KCNQ3: variants seen among roughly 807,000 people sequenced by gnomAD.
KCNQ3 encodes the protein potassium voltage-gated channel subfamily KQT member 3.
KCNQ3 carries 30 observed loss-of-function variants against 92.5 expected under a neutral mutation model. The observed-to-expected ratio is 0.32, with a 90% CI of 0.24 to 0.44. KCNQ3 has a LOEUF of 0.44. Among genes scored for constraint, KCNQ3 ranks in the 20% least tolerant of loss-of-function variants. The pLI, the probability that KCNQ3 is intolerant of heterozygous loss-of-function variation, is 1.00. For synonymous variants in KCNQ3, 450 were observed against 468.8 expected (o/e 0.96, Z 0.52); for missense variants, 913 against 1,140.3 (o/e 0.80, Z 2.87).
intron 1 of KCNQ3, among the ~76,000 whole-genome samples, chr8:132,458,885 C>T (rs919053459): frequency 1.3e-5 from 2 of 152,194 alleles, no homozygotes; most frequent in African/African-American, 4.8e-5. Context: ...TAAATCAATC[C>T]TAATGCATTT....
rs1412485924 is a variant in KCNQ3 at position 132,169,184 on chromosome 8, T to G, written c.1235+1150A>C. Among the ~76,000 whole-genome samples the G allele has an allele frequency of 3.3e-5, 5 of 152,158 alleles. No homozygotes were observed. The East Asian group carries it at 9.7e-4, about 29-fold the overall frequency. On this transcript the variant is annotated intron_variant, in intron 8 of 14. Coordinates refer to ENST00000388996, the MANE Select transcript of KCNQ3 (RefSeq NM_004519.4). The stretch of plus-strand genomic sequence containing the variant: ...TCAGCCTGGCTCCAGGTGTGGACTC[T>G]GGGCCACTGGCTCAGCCCCACCCCA...
chr8:132,354,064 A>G (rs11990490), intron 1 of KCNQ3, among the ~76,000 whole-genome samples: 4,461 of 152,312 alleles, frequency 0.029, 236 homozygotes, highest in African/African-American at 0.1. Context: ...TTGACCAAAC[A>G]GGAGCTTGAA....
chr8:132,345,795 G>A (rs1490416393), intron 1 of KCNQ3, among the ~76,000 whole-genome samples: 2 of 152,080 alleles, frequency 1.3e-5, no homozygotes, highest in African/African-American at 4.8e-5. Context: ...GAAGACTACA[G>A]CTACATTAAC....
At chr8:132,229,733 C>T (rs574861106) in intron 1 of KCNQ3, among the ~76,000 whole-genome samples, 1 of 151,992 alleles carries the variant, frequency 6.6e-6, no homozygotes, top group South Asian at 2.1e-4. Flanking sequence ...GTGGGACACC[C>T]CAGGGCCTTC....
At chr8:132,341,410 C>T (rs1237123513) in intron 1 of KCNQ3, among the ~76,000 whole-genome samples, 1 of 152,174 alleles carries the variant, frequency 6.6e-6, no homozygotes, top group African/African-American at 2.4e-5. Context: ...GCCTTCTCCT[C>T]TTCACTTCTG....
At chr8:132,454,126 C>G (rs1821887746) in intron 1 of KCNQ3, among the ~76,000 whole-genome samples, 1 of 152,162 alleles carries the variant, frequency 6.6e-6, no homozygotes, top group African/African-American at 2.4e-5. Flanking sequence ...CATGGCAGAC[C>G]CTGCCAAGGC....
intron 1 of KCNQ3, among the ~76,000 whole-genome samples, chr8:132,236,867 C>A (rs1446806506): frequency 6.6e-6 from 1 of 152,202 alleles, no homozygotes; most frequent in Non-Finnish European, 1.5e-5. Flanking sequence ...TGAAGGGGAC[C>A]ATGGGTCAGG....
At chr8:132,239,098 G>A (rs1586854860) in intron 1 of KCNQ3, among the ~76,000 whole-genome samples, 2 of 152,074 alleles carry the variant, frequency 1.3e-5, no homozygotes, top group African/African-American at 4.8e-5. Flanking sequence ...AAATTCCTGG[G>A]CCCCTTAATT....
At chr8:132,160,574 T>C (rs1825953722) in intron 9 of KCNQ3, among the ~76,000 whole-genome samples, 1 of 152,178 alleles carries the variant, frequency 6.6e-6, no homozygotes, top group Admixed American at 6.5e-5. Context: ...TATATTTATG[T>C]CATATATAAA....
intron 1 of KCNQ3, among the ~76,000 whole-genome samples, chr8:132,322,829 A>G (rs368402239): frequency 3.3e-5 from 5 of 152,342 alleles, no homozygotes; most frequent in African/African-American, 1.2e-4. Context: ...CAATCAAGTC[A>G]TGAAGGCCTT....
intron 1 of KCNQ3, among the ~76,000 whole-genome samples, chr8:132,390,649 C>T (rs945034261): frequency 3.3e-5 from 5 of 152,076 alleles, no homozygotes; most frequent in African/African-American, 1.2e-4. Flanking sequence ...TCTCCAGTCT[C>T]CAGCACTCTC....
chr8:132,479,392 A>G (rs935492569), intron 1 of KCNQ3, among the ~76,000 whole-genome samples: 3 of 152,092 alleles, frequency 2.0e-5, no homozygotes, highest in Non-Finnish European at 2.9e-5. Context: ...AGGCTGAGGG[A>G]ATATCGGATC....
chr8:132,385,743 G>A lies in KCNQ3; in HGVS notation c.386+94404C>T, dbSNP rs1011510494. ...GGGCAATGGGGACAAATTTGTGTAT[G>A]GGTACAAAGTTACAGTTAGAAGGAG... On this transcript the variant is annotated intron_variant, in intron 1 of 14. Coordinates refer to ENST00000388996, the MANE Select transcript of KCNQ3 (RefSeq NM_004519.4). Among the ~76,000 whole-genome samples the A allele has an allele frequency of 2.6e-5, 4 of 152,066 alleles. No homozygotes were observed. In the East Asian group the frequency reaches 5.8e-4, roughly 22 times the overall value.
intron 1 of KCNQ3, among the ~76,000 whole-genome samples, chr8:132,196,289 C>G (rs1195503478): frequency 1.3e-5 from 2 of 152,192 alleles, no homozygotes; most frequent in Non-Finnish European, 1.5e-5. Flanking sequence ...GAGTTAGGAA[C>G]AGACATTCCA....
intron 1 of KCNQ3, among the ~76,000 whole-genome samples, chr8:132,418,548 G>T (rs1820881864): frequency 6.6e-6 from 1 of 152,200 alleles, no homozygotes; most frequent in Non-Finnish European, 1.5e-5. Flanking sequence ...CATTTTGGGA[G>T]GCCAAGGCAG....
intron 1 of KCNQ3, among the ~76,000 whole-genome samples, chr8:132,193,212 C>T: frequency 6.6e-6 from 1 of 152,226 alleles, no homozygotes; most frequent in African/African-American, 2.4e-5. Flanking sequence ...CAAACAATTC[C>T]AGTCAAGGTC....
chr8:132,193,729 G>T (rs1207941243), intron 1 of KCNQ3, among the ~76,000 whole-genome samples: 1 of 152,184 alleles, frequency 6.6e-6, no homozygotes, highest in Admixed American at 6.5e-5. Flanking sequence ...CTGCGAGGAA[G>T]GGGACTATCA....
chr8:132,238,894 A>C (rs1814901924), intron 1 of KCNQ3, among the ~76,000 whole-genome samples: 1 of 152,196 alleles, frequency 6.6e-6, no homozygotes, highest in African/African-American at 2.4e-5. Flanking sequence ...GAGAAGAAAA[A>C]AGTTAATAGA....
At chr8:132,185,690 C>T (rs1563794104) in intron 2 of KCNQ3, among the ~76,000 whole-genome samples, 1 of 152,168 alleles carries the variant, frequency 6.6e-6, no homozygotes, top group Non-Finnish European at 1.5e-5. Flanking sequence ...TGTACCTGGC[C>T]TTGGAGAGAA....
Sources: allele counts gnomAD v4.1 joint callset (sites outside exome capture counted in the v4.1 genomes callset), GRCh38; gene constraint gnomAD v4.1.1; transcripts MANE v1.5; gene names NCBI Gene and HGNC (gene_info 2026-07-23, HGNC 2026-07-21).